Variants in TPTE observed in about 807,000 individuals in gnomAD.
TPTE encodes transmembrane phosphatase with tensin homology.
TPTE carries 59 observed loss-of-function variants against 84.1 expected under a neutral mutation model. The ratio of observed to expected loss-of-function variants is 0.70; its 90% confidence interval spans 0.57 to 0.87. TPTE has a LOEUF of 0.87. Ranked by LOEUF, TPTE falls within the 40% of genes least tolerant of loss-of-function variation. The probability of loss-of-function intolerance (pLI) is 0.00; values close to 1 mark genes in which losing one functional copy is unlikely to be tolerated. For synonymous variants in TPTE, 130 were observed against 223.5 expected (o/e 0.58, Z 3.73); for missense variants, 382 against 659.6 (o/e 0.58, Z 4.61).
chr21:10,538,971 G>T (rs1218753697), intron 4 of TPTE, among the ~76,000 whole-genome samples: 1 of 152,312 alleles, frequency 6.6e-6, no homozygotes, highest in Non-Finnish European at 1.5e-5. Context: ...GCCATAGAGA[G>T]TGGTTTTTAA....
At chr21:10,535,153 T>G (rs1165866928) in intron 3 of TPTE, among the ~76,000 whole-genome samples, 2 of 152,310 alleles carry the variant, frequency 1.3e-5, no homozygotes, top group Non-Finnish European at 2.9e-5. Context: ...CTGCAGCTAT[T>G]TGACCAAAAG....
At chr21:10,542,253 C>A in intron 5 of TPTE, 142 bp from the exon 6 acceptor site, 1 of 1,040,810 alleles carries the variant, frequency 9.6e-7, no homozygotes, top group South Asian at 1.3e-5. Context: ...GAGGAAAAGA[C>A]ATTCCAGGTT....
At chr21:10,574,135 G>T (rs1425487711) in intron 14 of TPTE, among the ~76,000 whole-genome samples, 5 of 152,296 alleles carry the variant, frequency 3.3e-5, no homozygotes, top group Non-Finnish European at 7.3e-5. Context: ...TTTAGGCTCT[G>T]TGGATGACTA....
intron 10 of TPTE, among the ~76,000 whole-genome samples, chr21:10,561,692 G>GGTTTGAGTGACA (rs1409794671): frequency 6.6e-6 from 1 of 152,302 alleles, no homozygotes; most frequent in Non-Finnish European, 1.5e-5. Flanking sequence ...TGCATCTTGT[G>GGTTTGAGTGACA]GTTTGAGTGA....
intron 14 of TPTE, among the ~76,000 whole-genome samples, chr21:10,574,562 G>A (rs1470585543): frequency 1.3e-5 from 2 of 152,428 alleles, no homozygotes; most frequent in East Asian, 1.9e-4. Context: ...GAAAAGGGGC[G>A]AGGGAATTCA....
chr21:10,558,739 T>C (rs570572963), intron 8 of TPTE, among the ~76,000 whole-genome samples: 18 of 147,930 alleles, frequency 1.2e-4, no homozygotes, highest in African/African-American at 4.5e-4. Flanking sequence ...AGTCTTCTTC[T>C]ACTGAAGCCT....
intron 2 of TPTE, among the ~76,000 whole-genome samples, chr21:10,526,883 C>T (rs2074088448): frequency 6.6e-6 from 1 of 152,306 alleles, no homozygotes; most frequent in African/African-American, 2.4e-5. Context: ...ATTAGCCAAG[C>T]CAGGGGTTTC....
chr21:10,589,372 T>C (rs796610141), intron 17 of TPTE, among the ~76,000 whole-genome samples: 1,984 of 148,430 alleles, frequency 0.013, no homozygotes, highest in African/African-American at 0.05. Flanking sequence ...TTGCCAGTGC[T>C]GCTGGCTGTG....
chr21:10,542,759 C>G (rs1174108949), intron 6 of TPTE, among the ~76,000 whole-genome samples: 1 of 152,262 alleles, frequency 6.6e-6, no homozygotes, highest in Non-Finnish European at 1.5e-5. Context: ...TTTTTTTTAA[C>G]AGAGTTTCCA....
chr21:10,603,402 TTG>T (rs1364135123), intron 22 of TPTE, among the ~76,000 whole-genome samples, 158 bp from the exon 23 acceptor site: 2 of 152,310 alleles, frequency 1.3e-5, no homozygotes, highest in African/African-American at 4.8e-5. Flanking sequence ...GCCTCCTCCT[TTG>T]TGTCTTGAGT....
At chr21:10,558,654 G>T (rs2074731384) in intron 8 of TPTE, among the ~76,000 whole-genome samples, 1 of 152,304 alleles carries the variant, frequency 6.6e-6, no homozygotes, top group Admixed American at 6.5e-5. Context: ...TGTGAGCATT[G>T]TCTTAGGATT....
intron 14 of TPTE, among the ~76,000 whole-genome samples, chr21:10,570,842 A>G (rs572640981): frequency 2.6e-5 from 4 of 152,420 alleles, no homozygotes; most frequent in East Asian, 1.9e-4. Context: ...TCCTGTCTCA[A>G]CTAAGCTCAT....
chr21:10,578,215 C>T (rs2075199216), intron 15 of TPTE, 122 bp from the exon 16 acceptor site: 3 of 1,439,014 alleles, frequency 2.1e-6, no homozygotes, highest in South Asian at 2.7e-5. Flanking sequence ...GCAGGAGCAA[C>T]TTGGAAAGCT....
chr21:10,522,086 C>T (rs1427381919), intron 1 of TPTE, among the ~76,000 whole-genome samples: 2 of 152,064 alleles, frequency 1.3e-5, no homozygotes, highest in Non-Finnish European at 2.9e-5. Context: ...CCGGGGCGCC[C>T]GCCCGGTCCT....
intron 21 of TPTE, among the ~76,000 whole-genome samples, chr21:10,599,456 A>G (rs2075649108): frequency 6.6e-6 from 1 of 152,312 alleles, no homozygotes; most frequent in Non-Finnish European, 1.5e-5. Context: ...GCCTGTAGTC[A>G]GAGCCAGTTA....
intron 7 of TPTE, among the ~76,000 whole-genome samples, chr21:10,551,161 A>G (rs980701035): frequency 2.6e-5 from 4 of 152,300 alleles, no homozygotes; most frequent in Non-Finnish European, 5.9e-5. Flanking sequence ...TGAACTCATC[A>G]TTTTTTCAGC....
At position 10,605,617 on chromosome 21, in the gene TPTE, A is replaced by G. The variant is rs1185714174; in HGVS notation, c.*65A>G. The G allele has an allele frequency of 1.7e-5, 28 of 1,612,136 alleles. No homozygotes were observed. The highest frequency in any genetic ancestry group is 2.1e-5 in the Non-Finnish European group (25 of 1,179,260). ...CTTTCCAACCCTGCCACATGTTCAT[A>G]TATCCTAAATCTATCCTAAATGTTC... is the stretch of plus-strand genomic sequence containing the variant. On this transcript the variant is annotated 3_prime_UTR_variant, in exon 24 of 24. Coordinates refer to ENST00000618007, the MANE Select transcript of TPTE (RefSeq NM_199261.4).
intron 3 of TPTE, among the ~76,000 whole-genome samples, chr21:10,532,531 A>G (rs1223997978): frequency 1.3e-5 from 2 of 152,300 alleles, no homozygotes; most frequent in African/African-American, 2.4e-5. Flanking sequence ...TTGCTTCCTT[A>G]TTACTCCATA....
At chr21:10,600,602 C>T (rs1225666622) in intron 21 of TPTE, among the ~76,000 whole-genome samples, 1 of 152,416 alleles carries the variant, frequency 6.6e-6, no homozygotes, top group African/African-American at 2.4e-5. Context: ...TGTTAACTAG[C>T]CCCCAATAGT....
Sources: allele counts gnomAD v4.1 joint callset (sites outside exome capture counted in the v4.1 genomes callset), GRCh38; gene constraint gnomAD v4.1.1; transcripts MANE v1.5; gene names NCBI Gene and HGNC (gene_info 2026-07-23, HGNC 2026-07-21).